SYTL2: variants seen among roughly 807,000 people sequenced by gnomAD.
SYTL2 encodes the protein synaptotagmin like 2, also known as synaptotagmin-like protein 2.
A neutral mutation model predicts 198.7 loss-of-function variants in SYTL2; 165 were observed. The observed-to-expected ratio is 0.83, with a 90% confidence interval of 0.73 to 0.94. SYTL2 has a LOEUF of 0.94. SYTL2 is among the 40% of genes least tolerant of loss of function. The probability of loss-of-function intolerance (pLI) is 0.00; values close to 1 mark genes in which losing one functional copy is unlikely to be tolerated. For synonymous variants in SYTL2, 966 were observed against 917.7 expected (o/e 1.05, Z -0.95); for missense variants, 2,835 against 2,582.8 (o/e 1.10, Z -2.12).
intron 1 of SYTL2, among the ~76,000 whole-genome samples, chr11:85,792,618 CT>C (rs34575906): frequency 5.4e-5 from 8 of 148,856 alleles, no homozygotes; most frequent in East Asian, 2.0e-4. Flanking sequence ...AGTTTCAGAG[CT>C]TTTTTTTTTA....
chr11:85,730,982 C>G (rs191432711), intron 7 of SYTL2, among the ~76,000 whole-genome samples: 1 of 152,272 alleles, frequency 6.6e-6, no homozygotes, highest in Non-Finnish European at 1.5e-5. Flanking sequence ...AACTCCCATT[C>G]ACAATTGCTA....
the SYTL2 span, among the ~76,000 whole-genome samples, chr11:85,833,581 G>C: frequency 7.9e-5 from 12 of 151,834 alleles, no homozygotes; most frequent in South Asian, 2.3e-3. Flanking sequence ...CCCTCAGGCA[G>C]GTTTGGAACC....
chr11:85,777,812 C>CTTTTTTTTTTTTTTTTTT (rs57873368), intron 1 of SYTL2, among the ~76,000 whole-genome samples: 1 of 63,290 alleles, frequency 1.6e-5, no homozygotes, highest in African/African-American at 5.7e-5. Context: ...GGTCTTACTT[C>CTTTTTTTTTTTTTTTTTT]TTTTTTTTTT....
At chr11:85,819,682 G>C in the SYTL2 span, among the ~76,000 whole-genome samples, 1 of 152,316 alleles carries the variant, frequency 6.6e-6, no homozygotes, top group African/African-American at 2.4e-5. Flanking sequence ...ATATCTGGAA[G>C]CATGTTTCAT....
chr11:85,791,246 C>A (rs186079139), intron 1 of SYTL2, among the ~76,000 whole-genome samples: 136 of 146,952 alleles, frequency 9.3e-4, no homozygotes, highest in African/African-American at 3.2e-3. Context: ...TTTACTTGTA[C>A]CTCCCAGGAA....
chr11:85,796,450 C>T (rs2092805639), intron 1 of SYTL2, among the ~76,000 whole-genome samples: 4 of 152,252 alleles, frequency 2.6e-5, no homozygotes, highest in Non-Finnish European at 5.9e-5. Context: ...AAATATTGCC[C>T]CTCATTTTTC....
intron 9 of SYTL2, chr11:85,719,333 G>A: frequency 8.7e-7 from 1 of 1,153,190 alleles, no homozygotes; most frequent in Non-Finnish European, 1.1e-6. Context: ...ATCTTGGCAG[G>A]CTAGTGTGAG....
chr11:85,842,019 C>T, the SYTL2 span, among the ~76,000 whole-genome samples: 1 of 152,190 alleles, frequency 6.6e-6, no homozygotes, highest in African/African-American at 2.4e-5. Context: ...TATCTCTGAC[C>T]ACCTTTTACA....
intron 15 of SYTL2, among the ~76,000 whole-genome samples, chr11:85,706,912 C>T (rs2085263109): frequency 6.6e-6 from 1 of 152,034 alleles, no homozygotes; most frequent in African/African-American, 2.4e-5. Context: ...GTGATCTTGG[C>T]TCACTGCAAC....
At chr11:85,836,868 T>C in the SYTL2 span, among the ~76,000 whole-genome samples, 1 of 152,178 alleles carries the variant, frequency 6.6e-6, no homozygotes, top group East Asian at 1.9e-4. Context: ...GATTAATAGA[T>C]AGACAAGGTA....
intron 1 of SYTL2, among the ~76,000 whole-genome samples, chr11:85,807,996 GA>G (rs1428550575): frequency 2.0e-5 from 3 of 152,114 alleles, no homozygotes; most frequent in African/African-American, 7.2e-5. Flanking sequence ...TAGATGCAAA[GA>G]AAAAGATTTG....
intron 1 of SYTL2, among the ~76,000 whole-genome samples, chr11:85,795,865 G>A (rs2092796715): frequency 6.6e-6 from 1 of 151,900 alleles, no homozygotes; most frequent in African/African-American, 2.4e-5. Context: ...AAATAGTGCT[G>A]GGAAGGCTGC....
intron 1 of SYTL2, among the ~76,000 whole-genome samples, chr11:85,791,052 G>T (rs10898406): frequency 1.3e-5 from 2 of 150,154 alleles, no homozygotes; most frequent in Non-Finnish European, 3.0e-5. Flanking sequence ...CTGTAATCCC[G>T]GCTACTTGGG....
intron 1 of SYTL2, among the ~76,000 whole-genome samples, chr11:85,770,336 C>A (rs1201491114): frequency 6.6e-6 from 1 of 152,140 alleles, no homozygotes; most frequent in African/African-American, 2.4e-5. Context: ...CCTTGTCTAC[C>A]ACTCATGTAG....
At chr11:85,796,737 T>C (rs562442266) in intron 1 of SYTL2, among the ~76,000 whole-genome samples, 1 of 152,360 alleles carries the variant, frequency 6.6e-6, no homozygotes, top group South Asian at 2.1e-4. Context: ...ATACACAGGA[T>C]GGCACAGAGT....
Position 85,734,379 on chromosome 11 carries a change from G to A in SYTL2, c.950C>T (p.Ser317Phe), listed in dbSNP as rs2090132339. ...IHERISEKEHSLEDNSSPNSL... is the reference protein window; with the variant it reads ...IHERISEKEHFLEDNSSPNSL... ...GTTTGGGGAAGAGTTGTCTTCTAAA[G>A]AATGCTCCTTCTCAGAAATTCTCTC... The change falls in exon 7 of 20, where the codon TCT becomes TTT. Residue 317 changes from serine to phenylalanine, a missense_variant. Around this residue, in one of 3 missense-constraint regions of SYTL2, gnomAD observed 2,645 missense variants for 2,381.7 expected, o/e 1.11. Coordinates refer to ENST00000359152, the MANE Select transcript of SYTL2 (RefSeq NM_206927.4). 1 of 1,614,078 alleles carries A rather than the reference G, an allele frequency of 6.2e-7. No homozygotes were observed. The highest frequency in any genetic ancestry group is 1.3e-5 in the African/African-American group (1 of 74,932).
chr11:85,848,912 G>C, the SYTL2 span, among the ~76,000 whole-genome samples: 3 of 152,134 alleles, frequency 2.0e-5, no homozygotes, highest in Admixed American at 6.5e-5. Flanking sequence ...AAGACATGTG[G>C]TATCTTTTTG....
chr11:85,724,479 C>T lies in SYTL2; in HGVS notation c.4879G>A (p.Gly1627Ser), dbSNP rs538101275. The change falls in exon 8 of 20, where the codon GGT becomes AGT. Residue 1627 changes from glycine (G) to serine (S), a missense_variant. Around this residue, in one of 3 missense-constraint regions of SYTL2, gnomAD observed 2,645 missense variants for 2,381.7 expected, o/e 1.11. Transcript: ENST00000359152. ...QTSEMKDKSNGLESQVNQCDK... is the reference protein window; with the variant it reads ...QTSEMKDKSNSLESQVNQCDK... ...CATTGGTTGACTTGAGATTCCAAAC[C>T]ATTACTTTTATCCTTCATTTCAGAG... 8.1e-6 allele frequency: 13 copies of T among 1,613,734 alleles called. No individual in the cohort carries two copies. The East Asian group carries it at 2.7e-4, about 33-fold the overall frequency.
intron 4 of SYTL2, among the ~76,000 whole-genome samples, chr11:85,738,748 C>T: frequency 6.6e-6 from 1 of 152,182 alleles, no homozygotes; most frequent in Non-Finnish European, 1.5e-5. Context: ...GAGTGTTCTG[C>T]ATAATCTTCC....
Sources: gnomAD v4.1 joint callset for allele counts (sites outside exome capture counted in the v4.1 genomes callset) on GRCh38, gnomAD v4.1.1 for gene constraint, gnomAD v4.1.1 regional missense constraint, MANE v1.5 for transcripts, NCBI Gene and HGNC (gene_info 2026-07-23, HGNC 2026-07-21) for gene names.